Variants in MED13L observed in about 807,000 individuals in gnomAD.
The protein encoded by MED13L is mediator of RNA polymerase II transcription subunit 13-like.
Under a neutral mutation model 220.9 loss-of-function variants are expected in MED13L, and 7 were observed. The observed-to-expected ratio is 0.03, with a 90% CI of 0.02 to 0.06. MED13L has a LOEUF of 0.06. Ranked by LOEUF, MED13L falls within the 10% of genes least tolerant of loss-of-function variation. The pLI is 1.00. For synonymous variants in MED13L, 1,011 were observed against 1,015.2 expected (o/e 1.00, Z 0.08); for missense variants, 1,965 against 2,760.5 (o/e 0.71, Z 6.46).
chr12:116,090,139 G>T (rs1005671512), intron 4 of MED13L, among the ~76,000 whole-genome samples: 1 of 152,128 alleles, frequency 6.6e-6, no homozygotes, highest in African/African-American at 2.4e-5. Flanking sequence ...CTACCAAAAG[G>T]TTAAACTTTG....
At chr12:116,095,260 C>T (rs915872388) in intron 4 of MED13L, among the ~76,000 whole-genome samples, 1 of 152,076 alleles carries the variant, frequency 6.6e-6, no homozygotes, top group Non-Finnish European at 1.5e-5. Flanking sequence ...GGAAAAAAAT[C>T]CCATTTCATC....
At chr12:116,158,413 C>A (rs1054687543) in intron 2 of MED13L, among the ~76,000 whole-genome samples, 1 of 152,160 alleles carries the variant, frequency 6.6e-6, no homozygotes, top group Non-Finnish European at 1.5e-5. Context: ...AGAAATCCAA[C>A]TATTTAAATT....
At chr12:116,269,061 T>C (rs1025536194) in intron 1 of MED13L, among the ~76,000 whole-genome samples, 1 of 152,202 alleles carries the variant, frequency 6.6e-6, no homozygotes, top group Non-Finnish European at 1.5e-5. Flanking sequence ...TTTTTGGTTG[T>C]TTTTGTTTTG....
At chr12:116,233,404 T>C (rs1038691000) in intron 2 of MED13L, among the ~76,000 whole-genome samples, 1 of 152,214 alleles carries the variant, frequency 6.6e-6, no homozygotes, top group Non-Finnish European at 1.5e-5. Flanking sequence ...TTAATCTTCC[T>C]AATTATATCG....
intron 7 of MED13L, among the ~76,000 whole-genome samples, chr12:116,017,709 G>C (rs1051184525): frequency 1.3e-5 from 2 of 152,126 alleles, no homozygotes; most frequent in Admixed American, 1.3e-4. Context: ...TCCACCTCCA[G>C]GGCTCAAGCC....
chr12:116,001,515 C>T (rs1313858433), intron 14 of MED13L, among the ~76,000 whole-genome samples: 4 of 152,188 alleles, frequency 2.6e-5, no homozygotes, highest in Non-Finnish European at 5.9e-5. Context: ...CTTCCCACTG[C>T]AATGCCCAAA....
At chr12:116,032,809 A>C (rs149001143) in intron 4 of MED13L, among the ~76,000 whole-genome samples, 1 of 152,198 alleles carries the variant, frequency 6.6e-6, no homozygotes, top group South Asian at 2.1e-4. Context: ...TTTGCAAACT[A>C]TAAGTCTCTC....
At chr12:116,130,703 A>G (rs1164409837) in intron 2 of MED13L, among the ~76,000 whole-genome samples, 5 of 152,218 alleles carry the variant, frequency 3.3e-5, no homozygotes, top group Admixed American at 2.6e-4. Flanking sequence ...GGGACTGATA[A>G]TTTAGTGACT....
intron 1 of MED13L, among the ~76,000 whole-genome samples, chr12:116,251,644 C>T (rs1000473557): frequency 1.3e-5 from 2 of 150,916 alleles, no homozygotes; most frequent in Non-Finnish European, 3.0e-5. Context: ...GCCCATAGTC[C>T]CAGCTACTCG....
intron 1 of MED13L, among the ~76,000 whole-genome samples, chr12:116,249,561 G>C (rs940291334): frequency 7.9e-5 from 12 of 151,832 alleles, no homozygotes; most frequent in Admixed American, 5.9e-4. Flanking sequence ...GAAATTAACA[G>C]ACAAGCCAAT....
At chr12:116,077,177 C>T (rs1359849908) in intron 4 of MED13L, among the ~76,000 whole-genome samples, 2 of 152,178 alleles carry the variant, frequency 1.3e-5, no homozygotes, top group Non-Finnish European at 2.9e-5. Context: ...TTCACCTTTA[C>T]TTCTTATCAG....
At chr12:116,083,518 G>A (rs1461663019) in intron 4 of MED13L, among the ~76,000 whole-genome samples, 1 of 151,698 alleles carries the variant, frequency 6.6e-6, no homozygotes, top group African/African-American at 2.4e-5. Context: ...GAGTAGACCA[G>A]TTTGATTATG....
intron 1 of MED13L, among the ~76,000 whole-genome samples, chr12:116,239,813 CAATTG>C (rs1870453922): frequency 6.6e-6 from 1 of 152,122 alleles, no homozygotes; most frequent in Non-Finnish European, 1.5e-5. Context: ...AAATATCGGC[CAATTG>C]AATAGAACGG....
At chr12:115,995,571 C>T (rs1878346127) in intron 16 of MED13L, among the ~76,000 whole-genome samples, 1 of 152,132 alleles carries the variant, frequency 6.6e-6, no homozygotes, top group African/African-American at 2.4e-5. Context: ...CACAGACACA[C>T]ACCATCATGC....
intron 25 of MED13L, among the ~76,000 whole-genome samples, chr12:115,973,074 C>T (rs1876699258): frequency 1.3e-5 from 2 of 152,164 alleles, no homozygotes; most frequent in African/African-American, 4.8e-5. Flanking sequence ...CCTTAAAGAG[C>T]AAGTGAATGG....
chr12:116,006,491 G>C, intron 11 of MED13L, 80 bp from the exon 12 acceptor site: 1 of 1,130,386 alleles, frequency 8.8e-7, no homozygotes, highest in Non-Finnish European at 1.3e-6. Context: ...CAAAGAATTA[G>C]AGGGTAGAAT....
chr12:116,200,832 G>A (rs1881966728), intron 2 of MED13L, among the ~76,000 whole-genome samples: 1 of 152,172 alleles, frequency 6.6e-6, no homozygotes, highest in Non-Finnish European at 1.5e-5. Context: ...CAGGGCTAGA[G>A]AGGTAGAGAA....
At chr12:116,245,286 C>A (rs1218542741) in intron 1 of MED13L, among the ~76,000 whole-genome samples, 2 of 152,132 alleles carry the variant, frequency 1.3e-5, no homozygotes, top group African/African-American at 4.8e-5. Flanking sequence ...TCTGAGAAAT[C>A]TTAGCTCCAC....
chr12:116,107,185 C>T (rs1349782392), intron 3 of MED13L, among the ~76,000 whole-genome samples: 8 of 152,258 alleles, frequency 5.3e-5, no homozygotes, highest in Non-Finnish European at 8.8e-5. Flanking sequence ...TAAACAAACA[C>T]GTACCCCCAA....
Sources: allele counts gnomAD v4.1 joint callset (sites outside exome capture counted in the v4.1 genomes callset), GRCh38; gene constraint gnomAD v4.1.1; transcripts MANE v1.5; gene names NCBI Gene and HGNC (gene_info 2026-07-23, HGNC 2026-07-21).